Variants in MGMT observed in about 807,000 individuals in gnomAD.
MGMT encodes methylated-DNA--protein-cysteine methyltransferase.
A neutral mutation model predicts 15.9 loss-of-function variants in MGMT; 14 were observed. The observed-to-expected ratio is 0.88, with a 90% confidence interval of 0.58 to 1.37. The LOEUF (loss-of-function observed/expected upper bound fraction) is 1.37, where lower values mean the gene tolerates loss of function less well. Among genes scored for constraint, MGMT ranks in the 40% most tolerant of loss-of-function variants. MGMT has a pLI of 0.00. For missense variants in MGMT, 282 were observed against 268.1 expected (o/e 1.05, Z -0.36); for synonymous variants, 130 against 118.2 (o/e 1.10, Z -0.65).
intron 1 of MGMT, among the ~76,000 whole-genome samples, chr10:129,497,255 C>T (rs1308195343): frequency 1.3e-5 from 2 of 152,160 alleles, no homozygotes; most frequent in African/African-American, 4.8e-5. Context: ...AGTTCTGGAT[C>T]CTGGAGGCAA....
chr10:129,471,012 G>A (rs1392566991), intron 1 of MGMT, among the ~76,000 whole-genome samples: 1 of 152,186 alleles, frequency 6.6e-6, no homozygotes, highest in East Asian at 1.9e-4. Flanking sequence ...TGTGATGCTT[G>A]CGAAGTCAGC....
At chr10:129,758,979 C>T (rs986935261) in intron 3 of MGMT, among the ~76,000 whole-genome samples, 15 of 152,234 alleles carry the variant, frequency 9.9e-5, no homozygotes, top group African/African-American at 2.4e-4. Flanking sequence ...GTGCCAGCTC[C>T]AAGGATGCCT....
intron 2 of MGMT, among the ~76,000 whole-genome samples, chr10:129,629,345 C>A (rs1564742079): frequency 1.3e-5 from 2 of 152,224 alleles, no homozygotes. Flanking sequence ...GCTACCTCTA[C>A]ACAAACAGAC....
chr10:129,534,813 A>C (rs566543477), intron 1 of MGMT, among the ~76,000 whole-genome samples: 1 of 151,972 alleles, frequency 6.6e-6, no homozygotes, highest in African/African-American at 2.4e-5. Context: ...GGAAGGTGCC[A>C]GTGAGCTGCC....
chr10:129,647,373 G>A lies in MGMT; in HGVS notation c.126-60522G>A, dbSNP rs112445143. Among the ~76,000 whole-genome samples, 3 of 152,186 alleles carry A rather than the reference G, an allele frequency of 2.0e-5. No individual in the cohort carries two copies. In the East Asian group the frequency reaches 5.8e-4, roughly 29 times the overall value. On this transcript the variant is annotated intron_variant, in intron 2 of 4. Transcript: ENST00000651593. The stretch of plus-strand genomic sequence containing the variant: ...CGTTAAATGCATAAAATTAAAGGCA[G>A]CGGCCTGCAGGATCCCCAGGTGGCG...
At chr10:129,630,293 C>A (rs1847195777) in intron 2 of MGMT, among the ~76,000 whole-genome samples, 1 of 152,186 alleles carries the variant, frequency 6.6e-6, no homozygotes, top group Admixed American at 6.5e-5. Context: ...AGAAGGTCGG[C>A]TTGTCTGCCT....
chr10:129,488,038 C>T (rs1029793572), intron 1 of MGMT, among the ~76,000 whole-genome samples: 1 of 147,466 alleles, frequency 6.8e-6, no homozygotes, highest in Admixed American at 6.8e-5. Context: ...CACACACACA[C>T]ACATGAATAT....
chr10:129,765,630 A>G (rs538241960), intron 4 of MGMT, among the ~76,000 whole-genome samples: 2 of 152,338 alleles, frequency 1.3e-5, no homozygotes, highest in South Asian at 2.1e-4. Flanking sequence ...TACATTCGCC[A>G]TCACTGTCCC....
intron 2 of MGMT, among the ~76,000 whole-genome samples, chr10:129,661,985 G>A (rs754122166): frequency 1.3e-5 from 2 of 152,064 alleles, no homozygotes; most frequent in African/African-American, 2.4e-5. Flanking sequence ...CTGTGTGTGG[G>A]TCTAGATACA....
At chr10:129,687,519 G>C (rs1847918249) in intron 2 of MGMT, among the ~76,000 whole-genome samples, 1 of 152,204 alleles carries the variant, frequency 6.6e-6, no homozygotes, top group Non-Finnish European at 1.5e-5. Flanking sequence ...AAACTGATGA[G>C]AGCTGGGCAT....
chr10:129,490,918 G>A (rs1589833561), intron 1 of MGMT, among the ~76,000 whole-genome samples: 1 of 152,144 alleles, frequency 6.6e-6, no homozygotes, highest in Non-Finnish European at 1.5e-5. Flanking sequence ...CACCTAAATT[G>A]CTACTTTGCC....
At chr10:129,605,179 A>T (rs1255158569) in intron 2 of MGMT, among the ~76,000 whole-genome samples, 1 of 152,216 alleles carries the variant, frequency 6.6e-6, no homozygotes, top group Non-Finnish European at 1.5e-5. Flanking sequence ...TGAAAGAAAG[A>T]AAAAGAGGAA....
At chr10:129,549,715 A>G (rs891536479) in intron 2 of MGMT, among the ~76,000 whole-genome samples, 1 of 152,184 alleles carries the variant, frequency 6.6e-6, no homozygotes, top group African/African-American at 2.4e-5. Flanking sequence ...TTTTTGTCCG[A>G]GTATGACTTT....
At chr10:129,523,639 C>T (rs1481079440) in intron 1 of MGMT, among the ~76,000 whole-genome samples, 3 of 152,164 alleles carry the variant, frequency 2.0e-5, no homozygotes, top group South Asian at 4.1e-4. Context: ...CTTGCTTTCA[C>T]GGGATTTGGG....
At chr10:129,487,223 C>T (rs1220776388) in intron 1 of MGMT, among the ~76,000 whole-genome samples, 1 of 152,024 alleles carries the variant, frequency 6.6e-6, no homozygotes, top group African/African-American at 2.4e-5. Flanking sequence ...TCATGGGGGT[C>T]CACATGAGCA....
chr10:129,733,918 T>C (rs1848531130), intron 3 of MGMT, among the ~76,000 whole-genome samples: 1 of 152,092 alleles, frequency 6.6e-6, no homozygotes, highest in African/African-American at 2.4e-5. Context: ...CATTGGTCTA[T>C]ATCTCTGTTT....
intron 1 of MGMT, among the ~76,000 whole-genome samples, chr10:129,479,124 T>G (rs1037375192): frequency 6.6e-6 from 1 of 152,212 alleles, no homozygotes; most frequent in Non-Finnish European, 1.5e-5. Flanking sequence ...CTGAAGTGTA[T>G]GATTAGTTTT....
intron 1 of MGMT, among the ~76,000 whole-genome samples, chr10:129,499,145 C>G (rs571623660): frequency 6.6e-6 from 1 of 152,276 alleles, no homozygotes; most frequent in South Asian, 2.1e-4. Flanking sequence ...CATTGTGTTT[C>G]AGCCACTAGA....
At chr10:129,608,685 G>A (rs376650267) in intron 2 of MGMT, among the ~76,000 whole-genome samples, 41 of 152,198 alleles carry the variant, frequency 2.7e-4, no homozygotes, top group African/African-American at 4.3e-4. Context: ...ATTTCTTTAT[G>A]TTATTCCTTA....
Sources: allele counts gnomAD v4.1 joint callset (sites outside exome capture counted in the v4.1 genomes callset), GRCh38; gene constraint gnomAD v4.1.1; transcripts MANE v1.5; gene names NCBI Gene and HGNC (gene_info 2026-07-23, HGNC 2026-07-21).